The following PTPRD variants were observed in gnomAD, a reference collection of about 807,000 sequenced individuals.
PTPRD encodes the protein protein tyrosine phosphatase receptor type D, also known as receptor-type tyrosine-protein phosphatase delta.
Under a neutral mutation model 214.5 loss-of-function variants are expected in PTPRD, and 34 were observed. The observed-to-expected ratio is 0.16, with a 90% CI of 0.12 to 0.21. The LOEUF is 0.21. PTPRD is among the 10% of genes least tolerant of loss of function. PTPRD has a pLI of 1.00. For missense variants in PTPRD, 2,545 were observed against 2,398.7 expected, an observed-to-expected ratio of 1.06 and a Z score of -1.27; for synonymous variants, 1,128 against 845.7, an observed-to-expected ratio of 1.33 and a Z score of -5.79.
intron 4 of PTPRD, among the ~76,000 whole-genome samples, chr9:10,028,367 G>A (rs1042347746): frequency 7.2e-5 from 11 of 152,110 alleles, no homozygotes; most frequent in East Asian, 3.9e-4. Flanking sequence ...AGAGTGGAGC[G>A]CTGCTGAAAA....
intron 3 of PTPRD, among the ~76,000 whole-genome samples, chr9:10,161,352 A>G (rs1248532908): frequency 1.3e-5 from 2 of 151,910 alleles, no homozygotes; most frequent in African/African-American, 4.8e-5. Flanking sequence ...CCAGACACAT[A>G]CATCAATGGA....
chr9:9,243,470 G>A (rs1366986610), intron 9 of PTPRD, among the ~76,000 whole-genome samples: 1 of 152,146 alleles, frequency 6.6e-6, no homozygotes, highest in African/African-American at 2.4e-5. Context: ...TCCCTCGGAT[G>A]CAAGGCTGGT....
At chr9:9,745,481 A>G (rs919851379) in intron 6 of PTPRD, among the ~76,000 whole-genome samples, 32 of 152,264 alleles carry the variant, frequency 2.1e-4, no homozygotes, top group African/African-American at 7.2e-4. Flanking sequence ...ACATCACCCT[A>G]TTAAATTTCC....
intron 6 of PTPRD, among the ~76,000 whole-genome samples, chr9:9,742,700 G>A (rs887621998): frequency 6.6e-6 from 1 of 151,812 alleles, no homozygotes; most frequent in Non-Finnish European, 1.5e-5. Flanking sequence ...TCTCAAATAT[G>A]TAACACAAGA....
chr9:10,498,244 T>C (rs962663115), intron 2 of PTPRD, among the ~76,000 whole-genome samples: 3 of 151,868 alleles, frequency 2.0e-5, no homozygotes, highest in Admixed American at 2.0e-4. Context: ...TCTCAATACA[T>C]TAAAATGAAG....
chr9:10,100,722 A>G (rs2098543575), intron 3 of PTPRD, among the ~76,000 whole-genome samples: 1 of 151,620 alleles, frequency 6.6e-6, no homozygotes, highest in Non-Finnish European at 1.5e-5. Context: ...ATATATATTG[A>G]GCACCTCGTA....
chr9:8,429,989 A>G (rs1243132500), intron 35 of PTPRD, among the ~76,000 whole-genome samples: 1 of 152,226 alleles, frequency 6.6e-6, no homozygotes, highest in African/African-American at 2.4e-5. Flanking sequence ...AACTACCATG[A>G]CAGGATGGAC....
At chr9:9,293,443 C>G (rs541859718) in intron 9 of PTPRD, among the ~76,000 whole-genome samples, 1 of 149,702 alleles carries the variant, frequency 6.7e-6, no homozygotes, top group African/African-American at 2.4e-5. Context: ...ACACTACAAG[C>G]TGTCCCAGGC....
intron 4 of PTPRD, among the ~76,000 whole-genome samples, chr9:9,943,913 C>T (rs1326205847): frequency 1.3e-5 from 2 of 152,162 alleles, no homozygotes; most frequent in African/African-American, 4.8e-5. Context: ...GCTGTCCATG[C>T]TCCTTCACCA....
At chr9:9,201,623 G>C (rs1032211578) in intron 9 of PTPRD, among the ~76,000 whole-genome samples, 1 of 151,998 alleles carries the variant, frequency 6.6e-6, no homozygotes, top group Non-Finnish European at 1.5e-5. Flanking sequence ...ACTTTTCTAA[G>C]CCACTTAAGT....
chr9:8,436,617 T>A lies in PTPRD; in HGVS notation c.4061A>T (p.Asn1354Ile). 6.2e-7 allele frequency: 1 copy of A among 1,613,368 alleles called. No individual in the cohort carries two copies. Among genetic ancestry groups the A allele is most frequent in the Non-Finnish European group, 8.5e-7 (1 of 1,179,546 alleles). Residue 1354 changes from asparagine (N) to isoleucine (I), a missense_variant, in exon 35 of 46, where the codon AAC becomes ATC. Transcript: ENST00000381196. Reference sequence around the variant, plus strand: ...CTCATATTCCTGGGAAAACTTCAAGTTGTCATTTGCTTTCAATCTTTCAAT... The same window carrying A: ...CTCATATTCCTGGGAAAACTTCAAGATGTCATTTGCTTTCAATCTTTCAAT... Reference protein sequence around the residue: ...DHIERLKANDNLKFSQEYESI... With the variant: ...DHIERLKANDILKFSQEYESI...
chr9:10,345,497 T>A (rs910411500), intron 2 of PTPRD, among the ~76,000 whole-genome samples: 1 of 150,982 alleles, frequency 6.6e-6, no homozygotes, highest in Non-Finnish European at 1.5e-5. Context: ...CTCCCACTTA[T>A]GAGTGAGAAC....
intron 33 of PTPRD, among the ~76,000 whole-genome samples, chr9:8,456,237 T>C (rs751723300): frequency 2.6e-5 from 4 of 152,084 alleles, no homozygotes; most frequent in African/African-American, 7.2e-5. Context: ...AAAAGGGGCA[T>C]TGACAGTAAC....
At position 10,000,069 on chromosome 9, in the gene PTPRD, G is replaced by GTA. The variant is rs149773583; in HGVS notation, c.-472+33647_-472+33648dup. On this transcript the variant is annotated intron_variant, in intron 4 of 45. Transcript: ENST00000381196. The stretch of plus-strand genomic sequence containing the variant: ...CAAAGTTATTTAGCCACCGAATAAT[G>GTA]TATCTCTCCCAATCATACTGCAAGT... 9.8e-4 allele frequency among the ~76,000 whole-genome samples: 150 copies of GTA among 152,296 alleles called. No individual in the cohort carries two copies. The East Asian group carries it at 0.027, about 27-fold the overall frequency.
intron 30 of PTPRD, among the ~76,000 whole-genome samples, chr9:8,475,412 C>G (rs1304246771): frequency 1.3e-5 from 2 of 152,170 alleles, no homozygotes; most frequent in African/African-American, 4.8e-5. Context: ...GGCCCAGCTA[C>G]AATGGTGACA....
intron 11 of PTPRD, among the ~76,000 whole-genome samples, chr9:8,987,552 G>A (rs1004545339): frequency 1.3e-5 from 2 of 152,086 alleles, no homozygotes; most frequent in Admixed American, 1.3e-4. Flanking sequence ...CAAAATTTTT[G>A]ATCACATGAT....
chr9:10,252,101 T>C (rs146548249), intron 3 of PTPRD, among the ~76,000 whole-genome samples: 752 of 152,308 alleles, frequency 4.9e-3, no homozygotes, highest in Non-Finnish European at 8.3e-3. Context: ...CCCACAGATA[T>C]ATACAATTAC....
chr9:8,514,202 A>T (rs1444242908), intron 21 of PTPRD, among the ~76,000 whole-genome samples: 1 of 152,092 alleles, frequency 6.6e-6, no homozygotes, highest in Non-Finnish European at 1.5e-5. Context: ...CTACTTCAAC[A>T]TTACTTCTAT....
chr9:8,675,232 T>C (rs1046643085), intron 12 of PTPRD, among the ~76,000 whole-genome samples: 2 of 152,120 alleles, frequency 1.3e-5, no homozygotes, highest in Middle Eastern at 3.2e-3. Flanking sequence ...TTTGAGGATG[T>C]TGCCCTCTCT....
Sources: gnomAD v4.1 joint callset for allele counts (sites outside exome capture counted in the v4.1 genomes callset) on GRCh38, gnomAD v4.1.1 for gene constraint, MANE v1.5 for transcripts, NCBI Gene and HGNC (gene_info 2026-07-23, HGNC 2026-07-21) for gene names.